NF1: variants seen among roughly 807,000 people sequenced by gnomAD.
NF1 encodes the protein neurofibromin.
Under a neutral mutation model 325.7 loss-of-function variants are expected in NF1, and 122 were observed. The observed-to-expected ratio is 0.37, with a 90% CI of 0.32 to 0.44. NF1 has a LOEUF of 0.44. NF1 is among the 20% of genes least tolerant of loss of function. The pLI is 1.00. For synonymous variants in NF1, 1,091 were observed against 1,186.0 expected (o/e 0.92, Z 1.65); for missense variants, 2,140 against 3,415.4 (o/e 0.63, Z 9.31).
chr17:31,358,741 A>G (rs2070333082), intron 55 of NF1, 119 bp downstream of exon 55: 2 of 1,395,492 alleles, frequency 1.4e-6, no homozygotes, highest in Admixed American at 1.8e-5. Context: ...TTTTATTTCC[A>G]TATTCCATTT....
intron 36 of NF1, among the ~76,000 whole-genome samples, chr17:31,293,141 G>A (rs1235010663): frequency 8.3e-6 from 1 of 120,630 alleles, no homozygotes; most frequent in East Asian, 2.8e-4. Flanking sequence ...TCACGCCATT[G>A]CACTCCAGCC....
chr17:31,330,677 G>A, intron 39 of NF1, 179 bp downstream of exon 39: 2 of 597,216 alleles, frequency 3.3e-6, no homozygotes, highest in South Asian at 4.4e-5. Flanking sequence ...CTTTTTGGTA[G>A]GCCACATTGA....
chr17:31,356,461 A>G lies in NF1; in HGVS notation c.7617A>G (p.Gly2539=). 6.2e-7 allele frequency: 1 copy of G among 1,613,422 alleles called. No homozygotes were observed. The highest frequency in any genetic ancestry group is 8.5e-7 in the Non-Finnish European group (1 of 1,179,494). Residue 2539 remains glycine (G), a splice_region_variant and synonymous_variant, in exon 52 of 58, where the codon GGA becomes GGG. Coordinates refer to ENST00000358273, the MANE Select transcript of NF1 (RefSeq NM_001042492.3). ...CATATTCTTAACTTTTGTTTATAGG[A>G]ACAAGGAAAAGTTTTGATCACTTGA... The part of the protein sequence containing the change: ...PSQANTKKLL[G]TRKSFDHLIS...
At chr17:31,367,337 G>C in intron 57 of NF1, 1 of 1,126,416 alleles carries the variant, frequency 8.9e-7, no homozygotes, top group South Asian at 1.3e-5. Context: ...ACTCATCCTG[G>C]GCACATAGCA....
intron 8 of NF1, among the ~76,000 whole-genome samples, chr17:31,189,909 G>C (rs1191142900): frequency 3.3e-5 from 5 of 151,304 alleles, no homozygotes; most frequent in African/African-American, 4.9e-5. Flanking sequence ...TTACAGGCAT[G>C]CGCCACCACG....
intron 27 of NF1, among the ~76,000 whole-genome samples, chr17:31,234,670 C>CAAAAAAAAA (rs754308242): frequency 6.9e-4 from 39 of 56,274 alleles, no homozygotes; most frequent in Non-Finnish European, 1.1e-3. Flanking sequence ...GACTCTGTCT[C>CAAAAAAAAA]AAAAAAAAAA....
intron 29 of NF1, among the ~76,000 whole-genome samples, chr17:31,243,166 G>A (rs1200678400): frequency 6.9e-6 from 1 of 145,464 alleles, no homozygotes; most frequent in Non-Finnish European, 1.5e-5. Flanking sequence ...AACAAACAGA[G>A]TCAGTCTCTC....
chr17:31,188,960 C>T (rs943578895), intron 8 of NF1, among the ~76,000 whole-genome samples: 1 of 152,114 alleles, frequency 6.6e-6, no homozygotes, highest in African/African-American at 2.4e-5. Flanking sequence ...TAATAAACTC[C>T]CCTTTGTATA....
chr17:31,304,328 T>G, intron 36 of NF1: 1 of 1,614,130 alleles, frequency 6.2e-7, no homozygotes, highest in South Asian at 1.1e-5. Flanking sequence ...TTGGGAGGAA[T>G]AGAGAACTCC....
intron 21 of NF1, 23 bp downstream of exon 21, chr17:31,229,488 A>G: frequency 6.2e-7 from 1 of 1,604,360 alleles, no homozygotes; most frequent in South Asian, 1.1e-5. Flanking sequence ...CTTATTTTTC[A>G]CCTTTCTCTA....
At chr17:31,320,255 C>T in intron 36 of NF1, 5 of 724,002 alleles carry the variant, frequency 6.9e-6, no homozygotes, top group South Asian at 6.1e-5. Flanking sequence ...TATTGTTCTC[C>T]TGAGATTTAC....
chr17:31,233,319 G>C (rs2067147523), intron 27 of NF1, 106 bp downstream of exon 27: 1 of 1,151,624 alleles, frequency 8.7e-7, no homozygotes, highest in African/African-American at 1.5e-5. Flanking sequence ...TAAAATTTCA[G>C]AGCCAGAAGA....
rs115981520 is a variant in NF1 at position 31,262,641 on chromosome 17, A to G, written c.4724+784A>G. On this transcript the variant is annotated intron_variant, in intron 35 of 57. Transcript: ENST00000358273. ...GTGCCTGTTGTTAGTTGTATTACTT[A>G]CAGGTCATGGTTTTGTACATATAAC... is the stretch of plus-strand genomic sequence containing the variant. Among the ~76,000 whole-genome samples, 433 of 152,336 alleles carry G rather than the reference A, an allele frequency of 2.8e-3. 2 individuals carry two copies. Among genetic ancestry groups the G allele is most frequent in the African/African-American group, 9.4e-3 (390 of 41,582 alleles).
At position 31,252,967 on chromosome 17, in the gene NF1, T is replaced by A. The variant is rs2151456198; in HGVS notation, c.4140T>A (p.Ala1380=). Residue 1380 remains alanine, a synonymous_variant, in exon 31 of 58, where the codon GCT becomes GCA. Transcript: ENST00000358273. Reference sequence around the variant, plus strand: ...CTTGCCACTCCCTACTGAATAAAGCTACAGTAAAAGAAAAAAAGGAAAACA... The same window carrying A: ...CTTGCCACTCCCTACTGAATAAAGCAACAGTAAAAGAAAAAAAGGAAAACA... ...QATCHSLLNK[A]TVKEKKENKK... 6.2e-7 allele frequency: 1 copy of A among 1,613,632 alleles called. No individual in the cohort carries two copies.
chr17:31,245,878 A>G (rs2067381265), intron 29 of NF1, among the ~76,000 whole-genome samples: 1 of 152,098 alleles, frequency 6.6e-6, no homozygotes. Flanking sequence ...GAGGTTGGGG[A>G]GTGGGGCTGA....
At chr17:31,099,998 A>C (rs985801054) in intron 1 of NF1, among the ~76,000 whole-genome samples, 1 of 140,070 alleles carries the variant, frequency 7.1e-6, no homozygotes, top group Non-Finnish European at 1.6e-5. Context: ...AAAACTATGG[A>C]TATTTGAACT....
At position 31,338,669 on chromosome 17, in the gene NF1, T is replaced by C. The variant is rs779652943; in HGVS notation, c.6820-35T>C. ...TTTAGGAGTTAATGTTTTATTTCAA[T>C]GAAAGTAAAATAAAAAATTCTGTTT... On this transcript the variant is annotated intron_variant, in intron 45 of 57. Transcript: ENST00000358273. 2.1e-5 allele frequency: 28 copies of C among 1,350,466 alleles called. 1 individual carries two copies. The South Asian group carries it at 3.3e-4, about 16-fold the overall frequency. 83.7% of individuals were successfully genotyped at this position (1,350,466 alleles called of 1,614,324 possible). A position where few individuals can be genotyped will look rare whatever the true frequency, so the allele number is the denominator to read the frequency against.
chr17:31,338,827 A>G (rs756048906), intron 46 of NF1, 22 bp downstream of exon 46: 10 of 1,460,482 alleles, frequency 6.8e-6, no homozygotes, highest in Admixed American at 6.7e-5. Context: ...ATAGAAAATG[A>G]GTGCATTCAT....
intron 36 of NF1, among the ~76,000 whole-genome samples, chr17:31,298,215 A>G (rs1367461644): frequency 2.0e-5 from 3 of 152,150 alleles, no homozygotes; most frequent in Non-Finnish European, 2.9e-5. Context: ...AAAATTTTTC[A>G]TCATGAGTTT....
Sources: allele counts gnomAD v4.1 joint callset (sites outside exome capture counted in the v4.1 genomes callset), GRCh38; gene constraint gnomAD v4.1.1; transcripts MANE v1.5; gene names NCBI Gene and HGNC (gene_info 2026-07-23, HGNC 2026-07-21).